Variants in SERPINB2 observed in about 807,000 individuals in gnomAD.
SERPINB2 encodes the protein serpin family B member 2.
A neutral mutation model predicts 39.4 loss-of-function variants in SERPINB2; 28 were observed. That is an observed-to-expected ratio of 0.71 (90% CI 0.53 to 0.97). The LOEUF is 0.97. SERPINB2 is among the 50% of genes least tolerant of loss of function. The probability of loss-of-function intolerance (pLI) is 0.00; values close to 1 mark genes in which losing one functional copy is unlikely to be tolerated. For missense variants in SERPINB2, 557 were observed against 505.3 expected (o/e 1.10, Z -0.98); for synonymous variants, 209 against 175.1 (o/e 1.19, Z -1.53).
At position 63,891,459 on chromosome 18, in the gene SERPINB2, T is replaced by C; in HGVS notation, c.15T>C (p.Cys5=). Residue 5 remains cysteine (C), a synonymous_variant, in exon 2 of 8, where the codon TGT becomes TGC. Coordinates refer to ENST00000299502, the MANE Select transcript of SERPINB2 (RefSeq NM_002575.3). MEDL[C]VANTLFALNL... ...AGATTGAAACAATGGAGGATCTTTG[T>C]GTGGCAAACACACTCTTTGCCCTCA... The C allele has an allele frequency of 1.9e-6, 3 of 1,614,176 alleles. No homozygotes were observed. The highest frequency in any genetic ancestry group is 2.5e-6 in the Non-Finnish European group (3 of 1,180,022).
At chr18:63,901,911 G>C in intron 6 of SERPINB2, 29 bp downstream of exon 6, 2 of 1,578,892 alleles carry the variant, frequency 1.3e-6, no homozygotes, top group Non-Finnish European at 1.7e-6. Flanking sequence ...CATCTTCCTA[G>C]CATATATTTT....
chr18:63,891,214 A>G lies in SERPINB2; in HGVS notation c.-9-222A>G, dbSNP rs77668531. The stretch of plus-strand genomic sequence containing the variant: ...GTTTAAAATTATCAAGAATTTCAAG[A>G]TGGCGATAGGAGGGCATTTGGCTAA... On this transcript the variant is annotated intron_variant, in intron 1 of 7. Transcript: ENST00000299502. Among the ~76,000 whole-genome samples the G allele has an allele frequency of 2.5e-3, 375 of 152,246 alleles. 1 individual carries two copies. The highest frequency in any genetic ancestry group is 8.5e-3 in the African/African-American group (352 of 41,548).
Position 63,901,806 on chromosome 18 carries a change from CT to C in SERPINB2, c.603del (p.Val202SerfsTer15). The C allele has an allele frequency of 6.2e-7, 1 of 1,601,064 alleles. No individual in the cohort carries two copies. ...DGDTRMVLVN[A>X]VYFKGKWKTP... Reference sequence around the variant, plus strand: ...GATACCAGGATGGTCCTGGTGAATGCTGTCTACTTCAAAGGAAAGTGGAAAA... The same window carrying C: ...GATACCAGGATGGTCCTGGTGAATGCGTCTACTTCAAAGGAAAGTGGAAAA... On this transcript the variant is annotated frameshift_variant, in exon 6 of 8. Transcript: ENST00000299502. LOFTEE classifies it high-confidence loss of function.
chr18:63,897,660 T>C, intron 4 of SERPINB2, 67 bp from the exon 5 acceptor site: 1 of 1,105,400 alleles, frequency 9.0e-7, no homozygotes, highest in Non-Finnish European at 1.4e-6. Context: ...AGACCATAAT[T>C]CACCATTATG....
intron 3 of SERPINB2, among the ~76,000 whole-genome samples, chr18:63,896,160 T>G (rs1188391047): frequency 6.6e-6 from 1 of 152,194 alleles, no homozygotes; most frequent in Non-Finnish European, 1.5e-5. Flanking sequence ...TTCTACCCAT[T>G]GCCCAGGGAA....
chr18:63,891,521 A>G lies in SERPINB2; in HGVS notation c.77A>G (p.Gln26Arg). Residue 26 changes from glutamine to arginine, a missense_variant, in exon 2 of 8, where the codon CAG becomes CGG. Transcript: ENST00000299502. ...CATCTGGCAAAAGCAAGCCCCACCCAGAACCTCTTCCTCTCCCCATGGAGC... is the reference window on the plus strand; with the variant it reads ...CATCTGGCAAAAGCAAGCCCCACCCGGAACCTCTTCCTCTCCCCATGGAGC... The part of the protein sequence containing the change: ...FKHLAKASPT[Q>R]NLFLSPWSIS... 6.2e-7 allele frequency: 1 copy of G among 1,614,172 alleles called. No homozygotes were observed. Among genetic ancestry groups the G allele is most frequent in the Non-Finnish European group, 8.5e-7 (1 of 1,180,010 alleles).
At position 63,903,488 on chromosome 18, in the gene SERPINB2, A is replaced by G. The variant is rs981593788; in HGVS notation, c.*183A>G. On this transcript the variant is annotated 3_prime_UTR_variant, in exon 8 of 8. Coordinates refer to ENST00000299502, the MANE Select transcript of SERPINB2 (RefSeq NM_002575.3). ...GACAATTGTCTATTATAACATGACA[A>G]CCCTATTAATCATTTGGTCTTCTAA... 6.4e-6 allele frequency: 3 copies of G among 467,102 alleles called. No individual in the cohort carries two copies. Among genetic ancestry groups the G allele is most frequent in the African/African-American group, 6.1e-5 (3 of 49,208 alleles). The allele number at this position is 467,102 out of a possible 1,614,324, so 28.9% of individuals were successfully genotyped here. A position where few individuals can be genotyped will look rare whatever the true frequency, so the allele number is the denominator to read the frequency against.
At chr18:63,892,258 A>G (rs990768215) in intron 2 of SERPINB2, among the ~76,000 whole-genome samples, 2 of 152,228 alleles carry the variant, frequency 1.3e-5, no homozygotes, top group African/African-American at 4.8e-5. Context: ...AAACCAAGGT[A>G]GATGGGATGC....
In SERPINB2 at chr18:63,897,736, C is replaced by T. The variant is rs775941879; in HGVS notation, c.427C>T (p.Arg143Ter). 15 of 1,597,168 alleles carry T rather than the reference C, an allele frequency of 9.4e-6. No homozygotes were observed. Among genetic ancestry groups the T allele is most frequent in the Admixed American group, 3.3e-5 (2 of 59,926 alleles). ...TTTTCTTGCTTTAAAGGAATATATT[C>T]GACTCTGTCAGAAATATTACTCCTC... The part of the protein sequence containing the change: ...KSASFREEYI[R>*]LCQKYYSSEP... Residue 143 changes from arginine (R) to a stop codon, truncating the protein, a stop_gained, in exon 5 of 8, where the codon CGA becomes TGA. Coordinates refer to ENST00000299502, the MANE Select transcript of SERPINB2 (RefSeq NM_002575.3). LOFTEE classifies it high-confidence loss of function.
chr18:63,887,868 G>C (rs2049902904), intron 1 of SERPINB2, 98 bp downstream of exon 1: 1 of 151,686 alleles, frequency 6.6e-6, no homozygotes, highest in African/African-American at 2.4e-5. Context: ...TTGGATGTGG[G>C]GTGTTTGTAG....
rs747639390 is a variant in SERPINB2, at chr18:63,897,771, G to A, written c.462G>A (p.Gln154=). The A allele has an allele frequency of 3.1e-6, 5 of 1,613,506 alleles. No homozygotes were observed. Among genetic ancestry groups the A allele is most frequent in the Non-Finnish European group, 4.2e-6 (5 of 1,179,576 alleles). Residue 154 remains glutamine (Q), a synonymous_variant, in exon 5 of 8, where the codon CAG becomes CAA. Transcript: ENST00000299502. ...LCQKYYSSEP[Q]AVDFLECAEE... ...AGAAATATTACTCCTCAGAACCCCA[G>A]GCAGTAGACTTCCTAGAATGTGCAG...
Position 63,891,473 on chromosome 18 carries a change from T to A in SERPINB2, c.29T>A (p.Leu10His), listed in dbSNP as rs1568234865. The A allele has an allele frequency of 6.2e-7, 1 of 1,613,956 alleles. No homozygotes were observed. The highest frequency in any genetic ancestry group is 8.5e-7 in the Non-Finnish European group (1 of 1,179,938). Residue 10 changes from leucine (L) to histidine (H), a missense_variant, in exon 2 of 8, where the codon CTC (leucine) becomes CAC (histidine). By Grantham distance (99) the Leu-to-His change is moderately conservative. Transcript: ENST00000299502. Reference protein sequence around the residue: MEDLCVANTLFALNLFKHLA... With the variant: MEDLCVANTHFALNLFKHLA... ...GAGGATCTTTGTGTGGCAAACACACTCTTTGCCCTCAATTTATTCAAGCAT... is the reference window on the plus strand; with the variant it reads ...GAGGATCTTTGTGTGGCAAACACACACTTTGCCCTCAATTTATTCAAGCAT...
intron 5 of SERPINB2, among the ~76,000 whole-genome samples, chr18:63,900,838 G>C (rs2049987083): frequency 1.3e-5 from 2 of 152,082 alleles, no homozygotes; most frequent in African/African-American, 4.8e-5. Flanking sequence ...AATTTGTTAA[G>C]AGTCTTGTAT....
At chr18:63,901,344 G>A (rs1484084913) in intron 5 of SERPINB2, among the ~76,000 whole-genome samples, 1 of 152,032 alleles carries the variant, frequency 6.6e-6, no homozygotes, top group Non-Finnish European at 1.5e-5. Context: ...CAGATCCTCA[G>A]ACTATCTAGA....
At chr18:63,901,432 ATTTGAATAACTTTCAACTGCCAAGC>A (rs1395014347) in intron 5 of SERPINB2, among the ~76,000 whole-genome samples, 1 of 152,172 alleles carries the variant, frequency 6.6e-6, no homozygotes, top group Non-Finnish European at 1.5e-5. Flanking sequence ...CTTCCCTCTG[ATTTGAATAACTTTCAACTGCCAAGC>A]TTTGAGAAAA....
chr18:63,901,733 T>C lies in SERPINB2; in HGVS notation c.536-7T>C. The C allele has an allele frequency of 6.5e-7, 1 of 1,536,760 alleles. No individual in the cohort carries two copies. The highest frequency in any genetic ancestry group is 8.7e-7 in the Non-Finnish European group (1 of 1,152,676). ...TGAAACCTAAATATATGTTATGTTT[T>C]CTGTAGGCAAAATCCCAAACTTGTT... On this transcript the variant is annotated splice_region_variant and splice_polypyrimidine_tract_variant and intron_variant, in intron 5 of 7. Coordinates refer to ENST00000299502, the MANE Select transcript of SERPINB2 (RefSeq NM_002575.3).
chr18:63,888,168 A>G (rs2144691693), intron 1 of SERPINB2, among the ~76,000 whole-genome samples: 1 of 152,368 alleles, frequency 6.6e-6, no homozygotes, highest in East Asian at 1.9e-4. Context: ...TAATCTCTAC[A>G]TTGTATATAA....
chr18:63,898,538 A>G (rs956438079), intron 5 of SERPINB2, among the ~76,000 whole-genome samples: 2 of 152,208 alleles, frequency 1.3e-5, no homozygotes, highest in Admixed American at 6.5e-5. Context: ...GTCAACAAAT[A>G]TTTATCCACC....
intron 2 of SERPINB2, among the ~76,000 whole-genome samples, chr18:63,893,872 T>A (rs72941724): frequency 0.027 from 4,138 of 152,306 alleles, 81 homozygotes; most frequent in South Asian, 0.093. Context: ...CGTACTCATT[T>A]TACAGATGAG....
Sources: allele counts gnomAD v4.1 joint callset (sites outside exome capture counted in the v4.1 genomes callset), GRCh38; gene constraint gnomAD v4.1.1; transcripts MANE v1.5; gene names NCBI Gene and HGNC (gene_info 2026-07-23, HGNC 2026-07-21).